PIP4K2A: variants seen among roughly 807,000 people sequenced by gnomAD.
PIP4K2A encodes phosphatidylinositol 5-phosphate 4-kinase type-2 alpha.
PIP4K2A carries 14 observed loss-of-function variants against 42.9 expected under a neutral mutation model. The observed-to-expected ratio is 0.33, with a 90% CI of 0.22 to 0.51. PIP4K2A has a LOEUF of 0.51. Ranked by LOEUF, PIP4K2A falls within the 20% of genes least tolerant of loss-of-function variation. The pLI is 0.97. For synonymous variants in PIP4K2A, 192 were observed against 192.2 expected, an observed-to-expected ratio of 1.00 and a Z score of 0.01; for missense variants, 434 against 519.8, an observed-to-expected ratio of 0.83 and a Z score of 1.61.
chr10:22,693,570 G>C (rs1363796332), intron 1 of PIP4K2A, among the ~76,000 whole-genome samples: 1 of 152,144 alleles, frequency 6.6e-6, no homozygotes, highest in Non-Finnish European at 1.5e-5. Flanking sequence ...GTATGTTTAA[G>C]AAACAAAAGA....
chr10:22,669,727 A>G (rs1345372721), intron 1 of PIP4K2A, among the ~76,000 whole-genome samples: 6 of 152,172 alleles, frequency 3.9e-5, no homozygotes, highest in Non-Finnish European at 7.3e-5. Flanking sequence ...GGTGCAGGCA[A>G]TGGGGCAGTG....
At chr10:22,667,181 G>A (rs1035112203) in intron 1 of PIP4K2A, among the ~76,000 whole-genome samples, 8 of 152,108 alleles carry the variant, frequency 5.3e-5, no homozygotes, top group Non-Finnish European at 1.0e-4. Flanking sequence ...GGGTACTAAC[G>A]GTTTCACATG....
At chr10:22,571,283 G>A (rs1202248004) in intron 5 of PIP4K2A, among the ~76,000 whole-genome samples, 1 of 152,204 alleles carries the variant, frequency 6.6e-6, no homozygotes, top group African/African-American at 2.4e-5. Context: ...AGGCTCCCCT[G>A]TATGCTGGGG....
intron 1 of PIP4K2A, among the ~76,000 whole-genome samples, chr10:22,631,684 T>C (rs938560006): frequency 2.0e-4 from 31 of 152,134 alleles, no homozygotes; most frequent in African/African-American, 7.2e-4. Context: ...ATTTCAACTA[T>C]GTAGAAGGAA....
At chr10:22,572,671 G>A (rs1837018681) in intron 5 of PIP4K2A, among the ~76,000 whole-genome samples, 2 of 152,138 alleles carry the variant, frequency 1.3e-5, no homozygotes, top group African/African-American at 4.8e-5. Flanking sequence ...GAAAGTCATA[G>A]TTTTCCAACC....
chr10:22,580,166 G>C (rs1476166023), intron 4 of PIP4K2A, among the ~76,000 whole-genome samples: 1 of 151,824 alleles, frequency 6.6e-6, no homozygotes, highest in African/African-American at 2.4e-5. Flanking sequence ...CAATTTCAAG[G>C]ACTCTCCATA....
At chr10:22,655,525 A>G (rs1215811618) in intron 1 of PIP4K2A, among the ~76,000 whole-genome samples, 1 of 152,216 alleles carries the variant, frequency 6.6e-6, no homozygotes, top group Non-Finnish European at 1.5e-5. Flanking sequence ...ATTACAGGTA[A>G]GTATAAAGAA....
At chr10:22,670,551 G>A (rs1201472321) in intron 1 of PIP4K2A, among the ~76,000 whole-genome samples, 1 of 152,082 alleles carries the variant, frequency 6.6e-6, no homozygotes, top group Non-Finnish European at 1.5e-5. Context: ...CATCAAAATC[G>A]ATTCCAGGGG....
intron 1 of PIP4K2A, among the ~76,000 whole-genome samples, chr10:22,644,792 TG>T (rs1838848369): frequency 6.6e-6 from 1 of 152,196 alleles, no homozygotes; most frequent in African/African-American, 2.4e-5. Context: ...GACCTACACT[TG>T]TGCCAGGTAA....
At chr10:22,557,557 T>C (rs2130772774) in intron 6 of PIP4K2A, among the ~76,000 whole-genome samples, 1 of 152,344 alleles carries the variant, frequency 6.6e-6, no homozygotes, top group East Asian at 1.9e-4. Context: ...TCATATGGAG[T>C]TGAGCAATAT....
intron 1 of PIP4K2A, among the ~76,000 whole-genome samples, chr10:22,683,837 A>ACACACACACACACACACACACACACGTT (rs1839710128): frequency 1.1e-5 from 1 of 91,466 alleles, no homozygotes; most frequent in African/African-American, 6.3e-5. Context: ...CAAGCAGTTC[A>ACACACACACACACACACACACACACGTT]CACACACACA....
intron 4 of PIP4K2A, among the ~76,000 whole-genome samples, chr10:22,575,532 C>A (rs962109784): frequency 1.3e-5 from 2 of 152,194 alleles, no homozygotes; most frequent in African/African-American, 4.8e-5. Context: ...TATTATACAG[C>A]AAATCATTGA....
chr10:22,680,915 C>T (rs1305558661), intron 1 of PIP4K2A, among the ~76,000 whole-genome samples: 1 of 152,174 alleles, frequency 6.6e-6, no homozygotes, highest in African/African-American at 2.4e-5. Flanking sequence ...CTGCATGTAG[C>T]AAGCCACAAA....
intron 1 of PIP4K2A, among the ~76,000 whole-genome samples, chr10:22,632,043 G>C (rs1454081018): frequency 1.3e-5 from 2 of 151,998 alleles, no homozygotes; most frequent in African/African-American, 4.8e-5. Flanking sequence ...GTAATCATTA[G>C]GAAGCAAGCT....
chr10:22,671,137 C>A (rs1207502006), intron 1 of PIP4K2A, among the ~76,000 whole-genome samples: 2 of 152,092 alleles, frequency 1.3e-5, no homozygotes, highest in African/African-American at 2.4e-5. Context: ...CACACACCCA[C>A]GTCCACACAT....
At chr10:22,562,409 C>T (rs1234735786) in intron 6 of PIP4K2A, among the ~76,000 whole-genome samples, 3 of 152,164 alleles carry the variant, frequency 2.0e-5, no homozygotes, top group Non-Finnish European at 2.9e-5. Context: ...ATTAGCCAAG[C>T]GTAGTGACAG....
chr10:22,675,207 G>A (rs1041047905), intron 1 of PIP4K2A, among the ~76,000 whole-genome samples: 12 of 152,252 alleles, frequency 7.9e-5, no homozygotes, highest in South Asian at 2.1e-4. Flanking sequence ...TAAGAGTGGA[G>A]ATAGTAGCAA....
Position 22,692,696 on chromosome 10 carries a change from G to T in PIP4K2A, c.144+21487C>A, listed in dbSNP as rs143962362. Among the ~76,000 whole-genome samples the T allele has an allele frequency of 8.3e-3, 1,268 of 152,236 alleles. 13 individuals are homozygous for T. The highest frequency in any genetic ancestry group is 0.012 in the Non-Finnish European group (790 of 68,018). On this transcript the variant is annotated intron_variant, in intron 1 of 9. Transcript: ENST00000376573. ...CAGAAATATCCAGGCCCCACTTACGGCCTTCCCTTAGAGATGGAACAGCCC... is the reference window on the plus strand; with the variant it reads ...CAGAAATATCCAGGCCCCACTTACGTCCTTCCCTTAGAGATGGAACAGCCC...
chr10:22,577,028 A>C (rs1395590743), intron 4 of PIP4K2A, among the ~76,000 whole-genome samples: 1 of 146,264 alleles, frequency 6.8e-6, no homozygotes, highest in Non-Finnish European at 1.5e-5. Flanking sequence ...CAGTGAGCCG[A>C]GATTGCGCCA....
Sources: gnomAD v4.1 joint callset for allele counts (sites outside exome capture counted in the v4.1 genomes callset) on GRCh38, gnomAD v4.1.1 for gene constraint, MANE v1.5 for transcripts, NCBI Gene and HGNC (gene_info 2026-07-23, HGNC 2026-07-21) for gene names.